OTOGL: variants seen among roughly 807,000 people sequenced by gnomAD.
The protein encoded by OTOGL is otogelin-like protein.
A neutral mutation model predicts 318.5 loss-of-function variants in OTOGL; 285 were observed. That is an observed-to-expected ratio of 0.89 (90% CI 0.81 to 0.99). OTOGL has a LOEUF of 0.99. OTOGL is among the 50% of genes least tolerant of loss of function. The pLI, the probability that OTOGL is intolerant of heterozygous loss-of-function variation, is 0.00. For synonymous variants in OTOGL, 987 were observed against 936.5 expected (o/e 1.05, Z -0.99); for missense variants, 2,899 against 2,845.6 (o/e 1.02, Z -0.43).
intron 11 of OTOGL, 97 bp downstream of exon 11, chr12:80,239,536 A>T: frequency 4.9e-6 from 4 of 824,602 alleles, no homozygotes; most frequent in Non-Finnish European, 7.3e-6. Context: ...CTGTTCACAA[A>T]ATATTATGGG....
At chr12:80,257,208 A>T (rs1882131080) in intron 17 of OTOGL, among the ~76,000 whole-genome samples, 1 of 152,132 alleles carries the variant, frequency 6.6e-6, no homozygotes, top group Admixed American at 6.6e-5. Context: ...TACGAATCAA[A>T]TATGAAATTA....
chr12:80,349,096 C>CTT lies in OTOGL; in HGVS notation c.5266-3190_5266-3189dup, dbSNP rs5799467. Among the ~76,000 whole-genome samples the CTT allele has an allele frequency of 2.5e-3, 369 of 149,646 alleles. 2 individuals are homozygous for CTT. The highest frequency in any genetic ancestry group is 6.9e-3 in the Middle Eastern group (2 of 290). On this transcript the variant is annotated intron_variant, in intron 44 of 58. Transcript: ENST00000547103. ...TTGTGGGCTAAGTAGAGAAGGGATA[C>CTT]TTTTTTTTTTATTTTGGACAGATTA...
At chr12:80,290,977 A>G (rs1178352905) in intron 26 of OTOGL, among the ~76,000 whole-genome samples, 1 of 152,112 alleles carries the variant, frequency 6.6e-6, no homozygotes, top group African/African-American at 2.4e-5. Flanking sequence ...CATTTGGTGA[A>G]CTCAATAACT....
In OTOGL at chr12:80,358,872, A is replaced by G; in HGVS notation, c.6239A>G (p.Glu2080Gly). ...CPTWHCECNC[E>G]NLIMPTCEVG... ...TTTTGCCTTTTAGAATGTAACTGTG[A>G]AAACCTTATTATGCCAACTTGTGAA... Residue 2080 changes from glutamate (E) to glycine (G), a missense_variant, in exon 52 of 59, where the codon GAA becomes GGA. By Grantham distance (98) the Glu-to-Gly change is moderately conservative. Around this residue, in one of 3 missense-constraint regions of OTOGL, gnomAD observed 2,607 missense variants for 2,524.9 expected, o/e 1.03. Transcript: ENST00000547103. The G allele has an allele frequency of 4.6e-6, 7 of 1,515,800 alleles. No individual in the cohort carries two copies. Among genetic ancestry groups the G allele is most frequent in the Non-Finnish European group, 6.2e-6 (7 of 1,126,492 alleles). The allele number at this position is 1,515,800 out of a possible 1,614,324, so 93.9% of individuals were successfully genotyped here. A position where few individuals can be genotyped will look rare whatever the true frequency, so the allele number is the denominator to read the frequency against.
intron 1 of OTOGL, among the ~76,000 whole-genome samples, chr12:80,135,155 C>A (rs1173349796): frequency 6.6e-6 from 1 of 151,374 alleles, no homozygotes; most frequent in Non-Finnish European, 1.5e-5. Flanking sequence ...TCCCCTCTGT[C>A]CCTGCTTTCA....
At chr12:80,307,386 G>A (rs1470437200) in intron 29 of OTOGL, among the ~76,000 whole-genome samples, 88 of 151,278 alleles carry the variant, frequency 5.8e-4, no homozygotes, top group Admixed American at 2.7e-3. Flanking sequence ...AGGCGCGGCC[G>A]GGCAGAGGCA....
At chr12:80,144,715 C>A (rs1872214238) in intron 1 of OTOGL, among the ~76,000 whole-genome samples, 1 of 152,060 alleles carries the variant, frequency 6.6e-6, no homozygotes, top group East Asian at 1.9e-4. Context: ...TCTCCAGCAC[C>A]TGTTGTTTCC....
rs1891382858 is a variant in OTOGL, at chr12:80,380,187, G to C, written c.*2139G>C. Reference sequence around the variant, plus strand: ...ACAAAAGAAGATAGGAGTTACAAAAGAAAATAGGGAAGAAATCTTAGATTG... The same window carrying C: ...ACAAAAGAAGATAGGAGTTACAAAACAAAATAGGGAAGAAATCTTAGATTG... On this transcript the variant is annotated 3_prime_UTR_variant, in exon 59 of 59. Transcript: ENST00000547103. The C allele has an allele frequency of 6.6e-6, 1 of 151,938 alleles. No homozygotes were observed. The highest frequency in any genetic ancestry group is 1.5e-5 in the Non-Finnish European group (1 of 67,882). The allele number at this position is 151,938 out of a possible 1,614,324, so 9.4% of individuals were successfully genotyped here. A position where few individuals can be genotyped will look rare whatever the true frequency, so the allele number is the denominator to read the frequency against.
At position 80,211,953 on chromosome 12, in the gene OTOGL, G is replaced by A. The variant is rs149117887; in HGVS notation, c.124G>A (p.Gly42Arg). The A allele has an allele frequency of 7.9e-5, 124 of 1,569,584 alleles. No homozygotes were observed. In the African/African-American group the frequency reaches 1.5e-3, roughly 19 times the overall value. The change falls in exon 4 of 59, where the codon GGG becomes AGG. Residue 42 changes from glycine (G) to arginine (R), a missense_variant. By Grantham distance (125) the Gly-to-Arg change is moderately radical. Coordinates refer to ENST00000547103, the MANE Select transcript of OTOGL (RefSeq NM_001378609.3). Reference protein sequence around the residue: ...SSILMGTSKNGFNENRQKRAL... With the variant: ...SSILMGTSKNRFNENRQKRAL... The stretch of plus-strand genomic sequence containing the variant: ...GTTCTTTTTGTTTTCTTCCAGAAAC[G>A]GGTTTAATGAAAATCGACAGAAAAG...
At chr12:80,356,294 C>T in intron 47 of OTOGL, 122 bp from the exon 48 acceptor site, 4 of 722,826 alleles carry the variant, frequency 5.5e-6, no homozygotes, top group Non-Finnish European at 9.2e-6. Flanking sequence ...TAAAAACATG[C>T]ATAATGAGAG....
At chr12:80,345,616 A>G (rs1304474304) in intron 44 of OTOGL, among the ~76,000 whole-genome samples, 1 of 152,198 alleles carries the variant, frequency 6.6e-6, no homozygotes. Context: ...TAAAACCTAA[A>G]TAATGTAAAT....
rs966083324 is a variant in OTOGL at position 80,221,960 on chromosome 12, A to T, written c.335-131A>T. On this transcript the variant is annotated intron_variant, in intron 6 of 58. Transcript: ENST00000547103. ...AGCAACTGTTAATTTTATGTTAGTT[A>T]TTTCTTCCTGTGTTATAGACCAAGG... 5 of 945,374 alleles carry T rather than the reference A, an allele frequency of 5.3e-6. No individual in the cohort carries two copies. In the Admixed American group the frequency reaches 1.0e-4, roughly 19 times the overall value. The allele number at this position is 945,374 out of a possible 1,614,324, so 58.6% of individuals were successfully genotyped here. A position where few individuals can be genotyped will look rare whatever the true frequency, so the allele number is the denominator to read the frequency against.
At chr12:80,141,180 G>A (rs1871915141) in intron 1 of OTOGL, among the ~76,000 whole-genome samples, 1 of 152,086 alleles carries the variant, frequency 6.6e-6, no homozygotes, top group Non-Finnish European at 1.5e-5. Context: ...ATGTAAAGTA[G>A]GGTGGTGGTT....
intron 29 of OTOGL, among the ~76,000 whole-genome samples, chr12:80,308,921 CGTCCAGCTTCG>C: frequency 6.6e-6 from 1 of 152,112 alleles, no homozygotes; most frequent in Middle Eastern, 3.4e-3. Context: ...GCAGCAGTAC[CGTCCAGCTTCG>C]GCTCGGCATC....
Position 80,358,299 on chromosome 12 carries a change from T to G in OTOGL, c.6071T>G (p.Leu2024Arg). ...PVPLCHDGEF[L>R]TVDLNSTHFC... ...CCACTATGTCATGATGGGGAATTTCTCACAGTAGATCTTAATAGCACACAC... is the reference window on the plus strand; with the variant it reads ...CCACTATGTCATGATGGGGAATTTCGCACAGTAGATCTTAATAGCACACAC... The change falls in exon 50 of 59, where the codon CTC becomes CGC. Residue 2024 changes from leucine to arginine, a missense_variant. Coordinates refer to ENST00000547103, the MANE Select transcript of OTOGL (RefSeq NM_001378609.3). The G allele has an allele frequency of 6.2e-7, 1 of 1,611,782 alleles. No homozygotes were observed. The highest frequency in any genetic ancestry group is 8.5e-7 in the Non-Finnish European group (1 of 1,178,514).
chr12:80,111,953 G>A (rs1020291726), intron 1 of OTOGL, among the ~76,000 whole-genome samples: 2 of 152,056 alleles, frequency 1.3e-5, no homozygotes, highest in Non-Finnish European at 2.9e-5. Context: ...TCCTTGAAGA[G>A]GTCCTTCACA....
chr12:80,258,244 T>C (rs1163066082), intron 18 of OTOGL, among the ~76,000 whole-genome samples: 1 of 152,128 alleles, frequency 6.6e-6, no homozygotes, highest in East Asian at 1.9e-4. Context: ...AGCTCACATG[T>C]AGTGGAGCTA....
chr12:80,348,310 A>T (rs1162412638), intron 44 of OTOGL, among the ~76,000 whole-genome samples: 1 of 152,116 alleles, frequency 6.6e-6, no homozygotes, highest in African/African-American at 2.4e-5. Context: ...AGGTGTAAGG[A>T]GGGGATCCAG....
intron 1 of OTOGL, among the ~76,000 whole-genome samples, chr12:80,145,941 G>A (rs1284469653): frequency 8.3e-6 from 1 of 120,862 alleles, no homozygotes; most frequent in East Asian, 2.2e-4. Context: ...TTGCTTATCA[G>A]CTGAAGGAGA....
Sources: gnomAD v4.1 joint callset for allele counts (sites outside exome capture counted in the v4.1 genomes callset) on GRCh38, gnomAD v4.1.1 for gene constraint, gnomAD v4.1.1 regional missense constraint, MANE v1.5 for transcripts, NCBI Gene and HGNC (gene_info 2026-07-23, HGNC 2026-07-21) for gene names.